Variants in DPP10 observed in about 807,000 individuals in gnomAD.
DPP10 encodes inactive dipeptidyl peptidase 10.
DPP10 carries 33 observed loss-of-function variants against 120.9 expected under a neutral mutation model. The ratio of observed to expected loss-of-function variants is 0.27; its 90% CI spans 0.21 to 0.37. DPP10 has a LOEUF of 0.37. Ranked by LOEUF, DPP10 falls within the 10% of genes least tolerant of loss-of-function variation. DPP10 has a pLI of 1.00. For missense variants in DPP10, 816 were observed against 942.8 expected, an observed-to-expected ratio of 0.87 and a Z score of 1.76; for synonymous variants, 337 against 326.1, an observed-to-expected ratio of 1.03 and a Z score of -0.36.
intron 3 of DPP10, among the ~76,000 whole-genome samples, chr2:115,360,356 G>T (rs1366868435): frequency 6.6e-6 from 1 of 152,024 alleles, no homozygotes; most frequent in Non-Finnish European, 1.5e-5. Context: ...TTTGTTTCTG[G>T]GTGCTTTCAG....
chr2:115,174,216 A>ACC (rs1240265147), intron 1 of DPP10, among the ~76,000 whole-genome samples: 2 of 152,132 alleles, frequency 1.3e-5, no homozygotes, highest in Non-Finnish European at 2.9e-5. Context: ...GAGTAGGAAG[A>ACC]CCCGTTCCAG....
chr2:115,255,368 C>T (rs780298802), intron 1 of DPP10, among the ~76,000 whole-genome samples: 1 of 152,122 alleles, frequency 6.6e-6, no homozygotes, highest in Non-Finnish European at 1.5e-5. Context: ...TGGCCCAGGC[C>T]CACAAAACCA....
chr2:115,296,638 T>C (rs943962528), intron 1 of DPP10, among the ~76,000 whole-genome samples: 1 of 152,070 alleles, frequency 6.6e-6, no homozygotes, highest in Non-Finnish European at 1.5e-5. Flanking sequence ...TCATCAGGGA[T>C]CTCTCTTTCC....
intron 17 of DPP10, among the ~76,000 whole-genome samples, chr2:115,789,489 A>T (rs1328711907): frequency 6.6e-6 from 1 of 152,256 alleles, no homozygotes; most frequent in Non-Finnish European, 1.5e-5. Flanking sequence ...CATGAATGAT[A>T]TCTGTAAAAA....
intron 3 of DPP10, among the ~76,000 whole-genome samples, chr2:115,381,026 G>A (rs1451910237): frequency 6.6e-6 from 1 of 152,064 alleles, no homozygotes; most frequent in African/African-American, 2.4e-5. Flanking sequence ...TGACAATTAT[G>A]TGTCTTAGAG....
chr2:115,002,831 T>C (rs1474851395), intron 1 of DPP10, among the ~76,000 whole-genome samples: 1 of 152,046 alleles, frequency 6.6e-6, no homozygotes, highest in East Asian at 1.9e-4. Context: ...ATGCTAGTCA[T>C]AATGATGACT....
chr2:114,931,239 C>T (rs755994229), intron 1 of DPP10, among the ~76,000 whole-genome samples: 14 of 152,098 alleles, frequency 9.2e-5, no homozygotes, highest in Non-Finnish European at 1.8e-4. Context: ...ATACCTGAAG[C>T]TGGGAAATTT....
At chr2:115,508,961 A>G (rs371397172) in intron 4 of DPP10, among the ~76,000 whole-genome samples, 1 of 152,192 alleles carries the variant, frequency 6.6e-6, no homozygotes, top group East Asian at 1.9e-4. Flanking sequence ...AAGCAAGAAT[A>G]TGGCTTGAGC....
At chr2:115,225,326 A>T (rs1341997838) in intron 1 of DPP10, among the ~76,000 whole-genome samples, 1 of 151,994 alleles carries the variant, frequency 6.6e-6, no homozygotes, top group African/African-American at 2.4e-5. Flanking sequence ...TCCATAATGG[A>T]CCTGCTGGGG....
chr2:115,021,704 A>G (rs576826229), intron 1 of DPP10, among the ~76,000 whole-genome samples: 1 of 152,202 alleles, frequency 6.6e-6, no homozygotes, highest in East Asian at 1.9e-4. Flanking sequence ...GAAGGATGTA[A>G]CAAAAAAAGA....
chr2:115,787,762 G>T (rs767476336), intron 17 of DPP10, among the ~76,000 whole-genome samples: 1 of 151,922 alleles, frequency 6.6e-6, no homozygotes, highest in African/African-American at 2.4e-5. Context: ...CCACACTAGC[G>T]CACATCATTA....
intron 1 of DPP10, among the ~76,000 whole-genome samples, chr2:114,630,426 A>G (rs1694834804): frequency 6.6e-6 from 1 of 152,322 alleles, no homozygotes; most frequent in South Asian, 2.1e-4. Context: ...TCTGATTTGG[A>G]AAGGTCAGTT....
intron 1 of DPP10, among the ~76,000 whole-genome samples, chr2:115,074,251 C>T (rs896678337): frequency 1.3e-5 from 2 of 152,146 alleles, no homozygotes. Context: ...TCAAGCAATC[C>T]TCCTGCCTCA....
chr2:115,689,653 G>T (rs762041351), intron 5 of DPP10, 34 bp from the exon 6 acceptor site: 1 of 1,314,356 alleles, frequency 7.6e-7, no homozygotes, highest in East Asian at 2.5e-5. Flanking sequence ...TTAAGATAAA[G>T]CTATGATCAA....
intron 1 of DPP10, among the ~76,000 whole-genome samples, chr2:115,008,620 C>T (rs1702033407): frequency 9.2e-6 from 1 of 109,054 alleles, no homozygotes; most frequent in Non-Finnish European, 2.1e-5. Flanking sequence ...GCAAAAGAAA[C>T]TACCATCAGA....
At chr2:115,103,099 T>C (rs1201148640) in intron 1 of DPP10, among the ~76,000 whole-genome samples, 2 of 151,664 alleles carry the variant, frequency 1.3e-5, no homozygotes, top group East Asian at 3.9e-4. Flanking sequence ...ACTTAATACA[T>C]AAAAATCTCA....
intron 1 of DPP10, among the ~76,000 whole-genome samples, chr2:115,085,810 A>G (rs962793516): frequency 6.6e-6 from 1 of 152,208 alleles, no homozygotes; most frequent in African/African-American, 2.4e-5. Flanking sequence ...TAAATAAATA[A>G]ATATATTGTA....
intron 1 of DPP10, among the ~76,000 whole-genome samples, chr2:114,604,827 T>C (rs1692657931): frequency 6.6e-6 from 1 of 152,134 alleles, no homozygotes; most frequent in Non-Finnish European, 1.5e-5. Context: ...TGTCTGTCTC[T>C]TTCTTTAATC....
intron 1 of DPP10, among the ~76,000 whole-genome samples, chr2:115,195,730 A>T (rs1470743585): frequency 6.6e-6 from 1 of 152,208 alleles, no homozygotes; most frequent in Non-Finnish European, 1.5e-5. Context: ...AATTCTTAAC[A>T]GCTGCCTCTG....
Sources: gnomAD v4.1 joint callset for allele counts (sites outside exome capture counted in the v4.1 genomes callset) on GRCh38, gnomAD v4.1.1 for gene constraint, MANE v1.5 for transcripts, NCBI Gene and HGNC (gene_info 2026-07-23, HGNC 2026-07-21) for gene names.